ANKRD36: variants seen among roughly 807,000 people sequenced by gnomAD.
ANKRD36 encodes the protein ankyrin repeat domain 36, also known as ankyrin repeat domain-containing protein 36A.
ANKRD36 carries 179 observed loss-of-function variants against 278.1 expected under a neutral mutation model. That is an observed-to-expected ratio of 0.64 (90% CI 0.57 to 0.73). The LOEUF is 0.73. Ranked by LOEUF, ANKRD36 falls within the 30% of genes least tolerant of loss-of-function variation. The pLI is 0.00. For synonymous variants in ANKRD36, 320 were observed against 641.1 expected, an observed-to-expected ratio of 0.50 and a Z score of 7.57; for missense variants, 1,159 against 1,956.7, an observed-to-expected ratio of 0.59 and a Z score of 7.69.
At chr2:97,212,434 T>C (rs372117955) in intron 58 of ANKRD36, among the ~76,000 whole-genome samples, 1 of 151,924 alleles carries the variant, frequency 6.6e-6, no homozygotes, top group Non-Finnish European at 1.5e-5. Context: ...CAGAGATACA[T>C]GTTTTGTTGA....
At chr2:97,229,151 G>C (rs1271765943) in intron 67 of ANKRD36, among the ~76,000 whole-genome samples, 1 of 151,474 alleles carries the variant, frequency 6.6e-6, no homozygotes, top group Admixed American at 6.6e-5. Flanking sequence ...TGTCTATTAG[G>C]TCCACTTGGT....
At chr2:97,187,424 A>C in intron 32 of ANKRD36, 23 bp downstream of exon 32, 1 of 1,345,832 alleles carries the variant, frequency 7.4e-7, no homozygotes, top group Non-Finnish European at 9.8e-7. Flanking sequence ...AACACATTCA[A>C]TGTCATGTTC....
intron 22 of ANKRD36, among the ~76,000 whole-genome samples, chr2:97,178,455 T>G (rs1198253612): frequency 6.6e-6 from 1 of 151,694 alleles, no homozygotes; most frequent in Admixed American, 6.6e-5. Flanking sequence ...TAGACTGGAT[T>G]AAGAAAATGT....
Position 97,142,763 on chromosome 2 carries a change from G to T in ANKRD36, c.829G>T (p.Ala277Ser), listed in dbSNP as rs1248045506. 9.4e-6 allele frequency: 15 copies of T among 1,588,602 alleles called. No individual in the cohort carries two copies. The Admixed American group carries it at 2.5e-4, about 26-fold the overall frequency. The change falls in exon 8 of 76, where the codon GCT becomes TCT. Residue 277 changes from alanine (A) to serine (S), a missense_variant and splice_region_variant. Transcript: ENST00000420699. Reference protein sequence around the residue: ...VSSQKQPALKATSGKEDSISN... With the variant: ...VSSQKQPALKSTSGKEDSISN... ...TTATTTTGTTTCAAATCCCACTCAG[G>T]CTACAAGTGGCAAGGAAGATTCTAT...
At chr2:97,196,497 G>A (rs1285347566) in intron 40 of ANKRD36, 96 bp from the exon 41 acceptor site, 8 of 1,572,688 alleles carry the variant, frequency 5.1e-6, no homozygotes, top group African/African-American at 1.4e-5. Flanking sequence ...GCTAATACAG[G>A]CAGGAGGACA....
At chr2:97,229,077 T>C (rs1181356161) in intron 67 of ANKRD36, among the ~76,000 whole-genome samples, 4 of 151,894 alleles carry the variant, frequency 2.6e-5, no homozygotes, top group African/African-American at 7.2e-5. Context: ...AATTTTGGAA[T>C]AGGTGTGGTG....
At chr2:97,199,967 T>C (rs1257802347) in intron 44 of ANKRD36, among the ~76,000 whole-genome samples, 4 of 151,888 alleles carry the variant, frequency 2.6e-5, no homozygotes, top group Non-Finnish European at 5.9e-5. Flanking sequence ...ATGAAAGACA[T>C]GTGGGATCAT....
At chr2:97,231,147 G>A (rs1256648010) in intron 67 of ANKRD36, among the ~76,000 whole-genome samples, 3 of 152,082 alleles carry the variant, frequency 2.0e-5, no homozygotes, top group African/African-American at 7.2e-5. Flanking sequence ...GCTGCATGCT[G>A]GGAGAACCAC....
intron 66 of ANKRD36, among the ~76,000 whole-genome samples, chr2:97,220,776 T>TTTA (rs2067361689): frequency 2.6e-5 from 2 of 77,098 alleles, no homozygotes; most frequent in African/African-American, 1.6e-4. Context: ...TTTTTTTTAA[T>TTTA]TTTTTTTTTT....
At chr2:97,121,685 C>T (rs28638387) in intron 3 of ANKRD36, among the ~76,000 whole-genome samples, 2 of 151,930 alleles carry the variant, frequency 1.3e-5, no homozygotes, top group African/African-American at 4.8e-5. Flanking sequence ...AATTTAGTGG[C>T]TTTCATTATG....
chr2:97,206,149 C>G lies in ANKRD36; in HGVS notation c.3163+14C>G, dbSNP rs752561337. On this transcript the variant is annotated intron_variant, in intron 52 of 75. Coordinates refer to ENST00000420699, the MANE Select transcript of ANKRD36 (RefSeq NM_001354587.1). ...AATCTAGGACAGGTAATTCTGAAAA[C>G]AGATTTAATGCCATGTTCAGTCGAG... The G allele has an allele frequency of 2.0e-4, 299 of 1,526,400 alleles. 2 individuals carry two copies. The highest frequency in any genetic ancestry group is 2.7e-4 in the South Asian group (22 of 82,342). 94.6% of individuals were successfully genotyped at this position (1,526,400 alleles called of 1,614,324 possible).
intron 42 of ANKRD36, among the ~76,000 whole-genome samples, chr2:97,198,150 C>T (rs1446219816): frequency 2.6e-5 from 4 of 151,880 alleles, no homozygotes; most frequent in East Asian, 1.9e-4. Context: ...CATGAGTTGC[C>T]CCTCTGATTT....
At position 97,149,291 on chromosome 2, in the gene ANKRD36, G is replaced by A; in HGVS notation, c.1035-4G>A. ...CATTTTTGTAATATCTTTTTGCTCTGTAGGAGTCTCTACAGACCTGATGCT... is the reference window on the plus strand; with the variant it reads ...CATTTTTGTAATATCTTTTTGCTCTATAGGAGTCTCTACAGACCTGATGCT... On this transcript the variant is annotated splice_region_variant and splice_polypyrimidine_tract_variant and intron_variant, in intron 11 of 75. Coordinates refer to ENST00000420699, the MANE Select transcript of ANKRD36 (RefSeq NM_001354587.1). 6.5e-7 allele frequency: 1 copy of A among 1,533,286 alleles called. No homozygotes were observed. Among genetic ancestry groups the A allele is most frequent in the Non-Finnish European group, 8.7e-7 (1 of 1,144,834 alleles). 95.0% of individuals were successfully genotyped at this position (1,533,286 alleles called of 1,614,324 possible).
intron 28 of ANKRD36, among the ~76,000 whole-genome samples, chr2:97,184,744 A>G (rs1213646928): frequency 6.6e-6 from 1 of 151,756 alleles, no homozygotes; most frequent in East Asian, 1.9e-4. Flanking sequence ...CCACATGTGT[A>G]TGATAAATAA....
chr2:97,199,391 AT>A (rs1467422673), intron 44 of ANKRD36, among the ~76,000 whole-genome samples: 7 of 151,850 alleles, frequency 4.6e-5, no homozygotes, highest in Admixed American at 3.9e-4. Flanking sequence ...ATGTGAATAA[AT>A]TTTGCTTCCT....
intron 22 of ANKRD36, among the ~76,000 whole-genome samples, chr2:97,179,089 G>A (rs1275734867): frequency 6.6e-6 from 1 of 151,496 alleles, no homozygotes; most frequent in Non-Finnish European, 1.5e-5. Context: ...GCAATGAGTG[G>A]ATGAAGGAAC....
chr2:97,248,452 G>A (rs1288500634), intron 72 of ANKRD36: 2 of 113,792 alleles, frequency 1.8e-5, no homozygotes, highest in Non-Finnish European at 3.1e-5. Context: ...GATGACCTGA[G>A]TCCTGCTATT....
At chr2:97,209,742 T>C in intron 55 of ANKRD36, 33 bp downstream of exon 55, 3 of 1,584,122 alleles carry the variant, frequency 1.9e-6, no homozygotes, top group Non-Finnish European at 2.6e-6. Context: ...TGTGAGCTAG[T>C]AAACGTATAG....
chr2:97,120,788 T>C (rs1035659045), intron 3 of ANKRD36, among the ~76,000 whole-genome samples: 2 of 152,112 alleles, frequency 1.3e-5, no homozygotes, highest in Admixed American at 6.6e-5. Context: ...AAATACAAGG[T>C]ATATAGTCCA....
Sources: gnomAD v4.1 joint callset for allele counts (sites outside exome capture counted in the v4.1 genomes callset) on GRCh38, gnomAD v4.1.1 for gene constraint, MANE v1.5 for transcripts, NCBI Gene and HGNC (gene_info 2026-07-23, HGNC 2026-07-21) for gene names.